SNW1: variants seen among roughly 807,000 people sequenced by gnomAD.
SNW1 encodes SNW domain-containing protein 1.
In SNW1, 9 loss-of-function variants were observed where a neutral mutation model predicts 75.6. The observed-to-expected ratio is 0.12, with a 90% CI of 0.07 to 0.21. The LOEUF is 0.21. Among genes scored for constraint, SNW1 ranks in the 10% least tolerant of loss-of-function variants. SNW1 has a pLI of 1.00. For missense variants in SNW1, 409 were observed against 670.9 expected (o/e 0.61, Z 4.31); for synonymous variants, 200 against 219.1 (o/e 0.91, Z 0.77).
rs2080499524 is a variant in SNW1 at position 77,717,696 on chromosome 14, T to C, written c.*392A>G. On this transcript the variant is annotated 3_prime_UTR_variant, in exon 14 of 14. Transcript: ENST00000261531. ...AAACAGAGCACAATAGGGGCAAAAT[T>C]TATTTGGCAGGACAGTTCCAGTATG... 10 of 761,242 alleles carry C rather than the reference T, an allele frequency of 1.3e-5. No homozygotes were observed. The highest frequency in any genetic ancestry group is 1.9e-5 in the Non-Finnish European group (9 of 467,952). The allele number at this position is 761,242 out of a possible 1,614,324, so 47.2% of individuals were successfully genotyped here.
At chr14:77,738,732 G>T in intron 5 of SNW1, 46 bp downstream of exon 5, 1 of 1,428,654 alleles carries the variant, frequency 7.0e-7, no homozygotes, top group Non-Finnish European at 9.9e-7. Context: ...CCCCCAAGCT[G>T]AATCAAGTTC....
At position 77,736,965 on chromosome 14, in the gene SNW1, A is replaced by G. The variant is rs370200943; in HGVS notation, c.638+6T>C. 3.8e-6 allele frequency: 6 copies of G among 1,592,144 alleles called. No homozygotes were observed. The highest frequency in any genetic ancestry group is 1.7e-5 in the Admixed American group (1 of 59,962). On this transcript the variant is annotated splice_donor_region_variant and intron_variant, in intron 6 of 13. Coordinates refer to ENST00000261531, the MANE Select transcript of SNW1 (RefSeq NM_012245.3). ...GTGTATTAGTAGCCTATTCCTTTTCACTTACTTGAACCTTGGAGGCTCCAT... is the reference window on the plus strand; with the variant it reads ...GTGTATTAGTAGCCTATTCCTTTTCGCTTACTTGAACCTTGGAGGCTCCAT...
chr14:77,757,270 G>A (rs1222508052), intron 1 of SNW1, among the ~76,000 whole-genome samples: 1 of 151,996 alleles, frequency 6.6e-6, no homozygotes, highest in Non-Finnish European at 1.5e-5. Flanking sequence ...ATTATGTTAA[G>A]TTATGATGGA....
intron 12 of SNW1, among the ~76,000 whole-genome samples, 184 bp from the exon 13 acceptor site, chr14:77,718,714 T>C (rs911912092): frequency 3.6e-5 from 5 of 137,720 alleles, no homozygotes; most frequent in Non-Finnish European, 7.8e-5. Flanking sequence ...CTTTGGATTC[T>C]TTTTTTTTTT....
intron 11 of SNW1, chr14:77,722,945 C>T (rs933805537): frequency 5.0e-5 from 23 of 464,368 alleles, no homozygotes; most frequent in Middle Eastern, 6.7e-4. Context: ...CCCGGGTTCA[C>T]GCCATTCTCC....
In SNW1 at chr14:77,731,331, A is replaced by G. The variant is rs139287100; in HGVS notation, c.892-202T>C. Among the ~76,000 whole-genome samples the G allele has an allele frequency of 1.1e-3, 173 of 152,362 alleles. 1 individual carries two copies. The highest frequency in any genetic ancestry group is 2.1e-3 in the Non-Finnish European group (140 of 68,034). On this transcript the variant is annotated intron_variant, in intron 9 of 13. Transcript: ENST00000261531. ...AAGGTCAGCTTTTTTCTCTGGGAAT[A>G]TTTTAGTGATTGAAACTATCGTGAC...
At chr14:77,722,231 G>A (rs899685888) in intron 11 of SNW1, among the ~76,000 whole-genome samples, 2 of 152,088 alleles carry the variant, frequency 1.3e-5, no homozygotes, top group Admixed American at 1.3e-4. Flanking sequence ...AGCCTTTGGT[G>A]AGCCATAAAC....
chr14:77,751,307 T>G lies in SNW1; in HGVS notation c.330+12A>C. On this transcript the variant is annotated intron_variant, in intron 3 of 13. Transcript: ENST00000261531. ...AAATATTTATCATTCAGGGAAAACA[T>G]GAGAGGATTACCTTGTCTTTTGACT... The G allele has an allele frequency of 6.3e-7, 1 of 1,599,372 alleles. No individual in the cohort carries two copies. Among genetic ancestry groups the G allele is most frequent in the South Asian group, 1.1e-5 (1 of 88,482 alleles).
At chr14:77,728,095 T>TA (rs2080599912) in intron 10 of SNW1, among the ~76,000 whole-genome samples, 1 of 150,036 alleles carries the variant, frequency 6.7e-6, no homozygotes, top group South Asian at 2.1e-4. Context: ...TGGTAGGAGA[T>TA]ACGGGTGTTC....
chr14:77,726,388 A>C, intron 10 of SNW1, among the ~76,000 whole-genome samples: 1 of 152,144 alleles, frequency 6.6e-6, no homozygotes, highest in East Asian at 1.9e-4. Context: ...TGAACACCTG[A>C]CCTCAAGTAA....
chr14:77,745,513 G>A (rs769297946), intron 3 of SNW1, among the ~76,000 whole-genome samples: 7 of 152,170 alleles, frequency 4.6e-5, no homozygotes, highest in South Asian at 2.1e-4. Flanking sequence ...TTCAAGACCA[G>A]CCTAACCAAC....
At chr14:77,719,763 A>G (rs1255437830) in intron 12 of SNW1, among the ~76,000 whole-genome samples, 1 of 152,264 alleles carries the variant, frequency 6.6e-6, no homozygotes, top group Non-Finnish European at 1.5e-5. Context: ...AGATAATAGT[A>G]TTATTTCATA....
At chr14:77,747,993 T>C (rs895370755) in intron 3 of SNW1, among the ~76,000 whole-genome samples, 2 of 152,326 alleles carry the variant, frequency 1.3e-5, no homozygotes, top group East Asian at 1.9e-4. Flanking sequence ...GGGGAAAAGA[T>C]AGATAAATCA....
chr14:77,744,558 T>C (rs1354375302), intron 3 of SNW1, among the ~76,000 whole-genome samples: 1 of 150,656 alleles, frequency 6.6e-6, no homozygotes, highest in Non-Finnish European at 1.5e-5. Context: ...ACTCCAAAAA[T>C]AGATAGTTCA....
intron 5 of SNW1, among the ~76,000 whole-genome samples, chr14:77,738,465 C>G (rs1677789851): frequency 6.6e-6 from 1 of 151,628 alleles, no homozygotes; most frequent in South Asian, 2.1e-4. Flanking sequence ...AAATATTAGC[C>G]AGGCATGGTG....
At chr14:77,759,623 A>G (rs1424393792) in intron 1 of SNW1, among the ~76,000 whole-genome samples, 3 of 152,172 alleles carry the variant, frequency 2.0e-5, no homozygotes, top group Non-Finnish European at 2.9e-5. Context: ...TTACTAGTCT[A>G]TGACACAGTG....
intron 2 of SNW1, 65 bp downstream of exon 2, chr14:77,754,902 G>C: frequency 7.3e-7 from 1 of 1,362,814 alleles, no homozygotes; most frequent in Non-Finnish European, 9.9e-7. Context: ...TTAAATTTAT[G>C]TTATAGTGTG....
intron 11 of SNW1, chr14:77,722,838 C>CT (rs773466539): frequency 0.31 from 88,755 of 283,584 alleles, 13,885 homozygotes; most frequent in Admixed American, 0.36. Context: ...TGGTACATAT[C>CT]TTTTTTTTTT....
intron 10 of SNW1, 129 bp from the exon 11 acceptor site, chr14:77,723,406 G>T: frequency 1.4e-6 from 1 of 689,670 alleles, no homozygotes; most frequent in South Asian, 1.7e-5. Flanking sequence ...CTGGAGTGTA[G>T]TAGCATGAAC....
Sources: allele counts gnomAD v4.1 joint callset (sites outside exome capture counted in the v4.1 genomes callset), GRCh38; gene constraint gnomAD v4.1.1; transcripts MANE v1.5; gene names NCBI Gene and HGNC (gene_info 2026-07-23, HGNC 2026-07-21).